ERAP1: variants seen among roughly 807,000 people sequenced by gnomAD.
ERAP1 encodes the protein endoplasmic reticulum aminopeptidase 1, also known as adipocyte-derived leucine aminopeptidase.
In ERAP1, 86 loss-of-function variants were observed where a neutral mutation model predicts 103.7. The ratio of observed to expected loss-of-function variants is 0.83; its 90% CI spans 0.70 to 0.99. The LOEUF is 0.99. Ranked by LOEUF, ERAP1 falls within the 50% of genes least tolerant of loss-of-function variation. The probability of loss-of-function intolerance (pLI) is 0.00; values close to 1 mark genes in which losing one functional copy is unlikely to be tolerated. For missense variants in ERAP1, 1,009 were observed against 1,128.4 expected (o/e 0.89, Z 1.52); for synonymous variants, 398 against 402.4 (o/e 0.99, Z 0.13).
At chr5:96,860,442 GTGT>G in the ERAP1 span, among the ~76,000 whole-genome samples, 1 of 152,144 alleles carries the variant, frequency 6.6e-6, no homozygotes, top group Non-Finnish European at 1.5e-5. Flanking sequence ...AATTAGGCCT[GTGT>G]TGTTGTTTGT....
At chr5:96,766,781 C>T (rs957490916) in intron 19 of ERAP1, among the ~76,000 whole-genome samples, 11 of 152,180 alleles carry the variant, frequency 7.2e-5, no homozygotes, top group African/African-American at 2.7e-4. Context: ...ATAACCCTTT[C>T]CATGCCTGTT....
the ERAP1 span, chr5:96,908,992 G>C: frequency 1.6e-5 from 26 of 1,613,992 alleles, no homozygotes; most frequent in Non-Finnish European, 8.5e-7. Flanking sequence ...CAAAGCTCTT[G>C]ACATGACTTA....
At chr5:96,865,121 TACA>T in the ERAP1 span, among the ~76,000 whole-genome samples, 1 of 152,216 alleles carries the variant, frequency 6.6e-6, no homozygotes, top group Non-Finnish European at 1.5e-5. Flanking sequence ...TCCCTGATAG[TACA>T]CTGAGTTATT....
chr5:96,884,886 A>G, the ERAP1 span, among the ~76,000 whole-genome samples: 1 of 152,210 alleles, frequency 6.6e-6, no homozygotes, highest in East Asian at 1.9e-4. Context: ...CACTGGTGAC[A>G]ATTGCCATGC....
the ERAP1 span, among the ~76,000 whole-genome samples, chr5:96,856,879 A>T: frequency 7.6e-4 from 115 of 152,176 alleles, 1 homozygote; most frequent in Middle Eastern, 6.8e-3. Flanking sequence ...GCTCCCTCTT[A>T]TTGGACTTTG....
At chr5:96,920,139 T>C in the ERAP1 span, among the ~76,000 whole-genome samples, 1 of 151,928 alleles carries the variant, frequency 6.6e-6, no homozygotes, top group Non-Finnish European at 1.5e-5. Context: ...GGCGAAACCG[T>C]TTCCACAAAA....
chr5:96,901,889 C>A, the ERAP1 span, among the ~76,000 whole-genome samples: 1 of 152,160 alleles, frequency 6.6e-6, no homozygotes, highest in Non-Finnish European at 1.5e-5. Context: ...ATTCCATCAG[C>A]CTTGAGAACT....
chr5:96,892,585 A>G, the ERAP1 span: 2 of 992,912 alleles, frequency 2.0e-6, no homozygotes, highest in Non-Finnish European at 2.9e-6. Flanking sequence ...ACTAAACCTA[A>G]CACAACGTCA....
chr5:96,815,555 G>T, the ERAP1 span, among the ~76,000 whole-genome samples: 1 of 151,864 alleles, frequency 6.6e-6, no homozygotes, highest in African/African-American at 2.4e-5. Context: ...GGGATTACAG[G>T]CATGCGCCAC....
At chr5:96,785,575 A>G in intron 13 of ERAP1, 1 of 578,424 alleles carries the variant, frequency 1.7e-6, no homozygotes, top group Non-Finnish European at 3.1e-6. Flanking sequence ...AGAAAGATTA[A>G]GATACAGATT....
the ERAP1 span, among the ~76,000 whole-genome samples, chr5:96,815,190 G>A: frequency 6.6e-6 from 1 of 152,188 alleles, no homozygotes; most frequent in Non-Finnish European, 1.5e-5. Flanking sequence ...CTGTAGCATT[G>A]TGTTAGATTT....
At chr5:96,934,562 A>T in the ERAP1 span, 1 of 152,312 alleles carries the variant, frequency 6.6e-6, no homozygotes, top group Non-Finnish European at 1.5e-5. Flanking sequence ...TTCTAAGTGC[A>T]GTTGGTATCC....
the ERAP1 span, among the ~76,000 whole-genome samples, chr5:96,830,404 A>G: frequency 1.3e-5 from 2 of 152,196 alleles, no homozygotes; most frequent in African/African-American, 2.4e-5. Flanking sequence ...ACTTCAAAAA[A>G]CTGTAGCATG....
chr5:96,771,322 G>A (rs1772231102), downstream of ERAP1, among the ~76,000 whole-genome samples: 1 of 152,084 alleles, frequency 6.6e-6, no homozygotes, highest in Non-Finnish European at 1.5e-5. Context: ...ATGACCCTAT[G>A]TACAGGAAAG....
At chr5:96,848,297 G>A in the ERAP1 span, among the ~76,000 whole-genome samples, 2 of 152,132 alleles carry the variant, frequency 1.3e-5, no homozygotes, top group East Asian at 1.9e-4. Flanking sequence ...GTGATCTGCT[G>A]GCCTCAGCCT....
At chr5:96,920,256 G>T in the ERAP1 span, among the ~76,000 whole-genome samples, 6 of 150,238 alleles carry the variant, frequency 4.0e-5, no homozygotes, top group Admixed American at 1.3e-4. Flanking sequence ...AGTGAGCCAA[G>T]ATCATGCCAC....
the ERAP1 span, among the ~76,000 whole-genome samples, chr5:96,821,944 T>C: frequency 3.4e-3 from 517 of 152,344 alleles, 1 homozygote; most frequent in Non-Finnish European, 5.8e-3. Context: ...TTCAAATCTT[T>C]GCTGGTGTGG....
chr5:96,798,479 C>A (rs943112740), intron 3 of ERAP1, among the ~76,000 whole-genome samples: 1 of 151,984 alleles, frequency 6.6e-6, no homozygotes, highest in African/African-American at 2.4e-5. Flanking sequence ...CAATAAAAAG[C>A]ACGGAGATGG....
the ERAP1 span, chr5:96,889,549 A>T: frequency 1.5e-6 from 1 of 684,252 alleles, no homozygotes; most frequent in African/African-American, 1.8e-5. Context: ...ATCTGCATCG[A>T]ACTCTTTCCC....
Sources: gnomAD v4.1 joint callset for allele counts (sites outside exome capture counted in the v4.1 genomes callset) on GRCh38, gnomAD v4.1.1 for gene constraint, MANE v1.5 for transcripts, NCBI Gene and HGNC (gene_info 2026-07-23, HGNC 2026-07-21) for gene names.